Variants in CCDC102A observed in about 807,000 individuals in gnomAD.
CCDC102A encodes the protein coiled-coil domain containing 102A, also known as coiled-coil domain-containing protein 102A.
Under a neutral mutation model 55.5 loss-of-function variants are expected in CCDC102A, and 40 were observed. That is an observed-to-expected ratio of 0.72 (90% CI 0.56 to 0.94). The LOEUF is 0.94. CCDC102A is among the 40% of genes least tolerant of loss of function. The pLI is 0.00. For missense variants in CCDC102A, 779 were observed against 768.6 expected, an observed-to-expected ratio of 1.01 and a Z score of -0.16; for synonymous variants, 323 against 339.0, an observed-to-expected ratio of 0.95 and a Z score of 0.52.
At chr16:57,521,357 G>T (rs1034890183) in intron 3 of CCDC102A, among the ~76,000 whole-genome samples, 181 bp from the exon 4 acceptor site, 2 of 152,176 alleles carry the variant, frequency 1.3e-5, no homozygotes, top group Admixed American at 1.3e-4. Flanking sequence ...AGTTCTCCTG[G>T]AACTGCATTC....
intron 3 of CCDC102A, among the ~76,000 whole-genome samples, chr16:57,522,640 GCTAAGTCT>G (rs2032070683): frequency 6.6e-6 from 1 of 152,258 alleles, no homozygotes; most frequent in Non-Finnish European, 1.5e-5. Flanking sequence ...TCTTTGAGTT[GCTAAGTCT>G]GCACACCTGC....
At chr16:57,524,311 G>C (rs1303790830) in intron 3 of CCDC102A, among the ~76,000 whole-genome samples, 1 of 151,948 alleles carries the variant, frequency 6.6e-6, no homozygotes, top group African/African-American at 2.4e-5. Flanking sequence ...CAGCAGGAGA[G>C]AGGTACTTGT....
intron 8 of CCDC102A, among the ~76,000 whole-genome samples, chr16:57,513,564 AGCGGTCCTGG>A (rs2031902547): frequency 6.6e-6 from 1 of 152,248 alleles, no homozygotes. Context: ...AAAACGACAC[AGCGGTCCTGG>A]GTGGCCCCAC....
At chr16:57,536,285 C>T (rs1345801986) in intron 1 of CCDC102A, among the ~76,000 whole-genome samples, 3 of 152,268 alleles carry the variant, frequency 2.0e-5, no homozygotes, top group Non-Finnish European at 2.9e-5. Flanking sequence ...CCCCTCCCCA[C>T]CGGAGACCTG....
chr16:57,529,681 TC>T lies in CCDC102A; in HGVS notation c.-147-358del, dbSNP rs2032218317. Among the ~76,000 whole-genome samples the T allele has an allele frequency of 1.3e-5, 2 of 152,192 alleles. No homozygotes were observed. The highest frequency in any genetic ancestry group is 4.8e-5 in the African/African-American group (2 of 41,446). On this transcript the variant is annotated intron_variant, in intron 1 of 8. Coordinates refer to ENST00000258214, the MANE Select transcript of CCDC102A (RefSeq NM_033212.4). This position sits in a 1 kb window ranked among gnomAD's most constrained non-coding sequence, Gnocchi z 4.1. Reference sequence around the variant, plus strand: ...TGCCAGGAGTCCCCTCCCTGCCTTTTCCTGCACTGGGCTAACTCTTCTCATA... The same window carrying T: ...TGCCAGGAGTCCCCTCCCTGCCTTTTCTGCACTGGGCTAACTCTTCTCATA...
upstream of CCDC102A, chr16:57,536,699 C>T (rs2032401323): frequency 1.3e-5 from 2 of 152,202 alleles, no homozygotes; most frequent in South Asian, 4.1e-4. Context: ...GACCCCGGCC[C>T]ACCGAGCTGC....
Position 57,528,592 on chromosome 16 carries a change from C to A in CCDC102A, c.585+1G>T. On this transcript the variant is annotated splice_donor_variant, in intron 2 of 8. Coordinates refer to ENST00000258214, the MANE Select transcript of CCDC102A (RefSeq NM_033212.4). LOFTEE classifies it high-confidence loss of function. ...GCGAACGCCCCGCCCGCGCCGCGCA[C>A]CTGGCTGCCTGGCGGCCTCTCGGAC... The A allele has an allele frequency of 7.9e-7, 1 of 1,259,512 alleles. No homozygotes were observed. Among genetic ancestry groups the A allele is most frequent in the South Asian group, 2.0e-5 (1 of 49,384 alleles). The allele number at this position is 1,259,512 out of a possible 1,614,324, so 78.0% of individuals were successfully genotyped here. A position where few individuals can be genotyped will look rare whatever the true frequency, so the allele number is the denominator to read the frequency against.
At chr16:57,536,159 C>A (rs1442618284) in intron 1 of CCDC102A, among the ~76,000 whole-genome samples, 1 of 152,226 alleles carries the variant, frequency 6.6e-6, no homozygotes, top group African/African-American at 2.4e-5. Flanking sequence ...TTCGCCATGG[C>A]GACCACGTTG....
chr16:57,525,842 G>C, intron 3 of CCDC102A, 59 bp downstream of exon 3: 3 of 1,465,060 alleles, frequency 2.0e-6, no homozygotes, highest in Non-Finnish European at 2.8e-6. Context: ...CTGTGATTCT[G>C]AGGGCGTTGT....
chr16:57,533,350 A>C (rs1376811995), intron 1 of CCDC102A, among the ~76,000 whole-genome samples: 1 of 151,796 alleles, frequency 6.6e-6, no homozygotes, highest in African/African-American at 2.4e-5. Flanking sequence ...GCACACCAGG[A>C]ATCCTGCACT....
intron 2 of CCDC102A, among the ~76,000 whole-genome samples, chr16:57,527,173 A>AGG (rs35695140): frequency 6.6e-6 from 1 of 151,992 alleles, no homozygotes; most frequent in Non-Finnish European, 1.5e-5. Flanking sequence ...AGAATAGAGG[A>AGG]GGGGCAGTCT....
chr16:57,520,129 A>G (rs1272638270), intron 4 of CCDC102A, among the ~76,000 whole-genome samples: 3 of 152,142 alleles, frequency 2.0e-5, no homozygotes, highest in East Asian at 1.9e-4. Flanking sequence ...TAGGAACCCA[A>G]TGAATGCCAC....
rs1247681764 is a variant in CCDC102A, at chr16:57,528,827, G to C, written c.351C>G (p.Arg117=). ...KWSKVRAERN[R]AREEVRQLRQ... The stretch of plus-strand genomic sequence containing the variant: ...GCAGCTGGCGCACCTCCTCGCGCGC[G>C]CGGTTGCGCTCAGCGCGCACCTTGC... The change falls in exon 2 of 9, where the codon CGC becomes CGG. Residue 117 remains arginine (R), a synonymous_variant. Coordinates refer to ENST00000258214, the MANE Select transcript of CCDC102A (RefSeq NM_033212.4). 7.8e-7 allele frequency: 1 copy of C among 1,275,126 alleles called. No homozygotes were observed. Among genetic ancestry groups the C allele is most frequent in the East Asian group, 3.5e-5 (1 of 28,190 alleles). 79.0% of individuals were successfully genotyped at this position (1,275,126 alleles called of 1,614,324 possible). A position where few individuals can be genotyped will look rare whatever the true frequency, so the allele number is the denominator to read the frequency against.
intron 8 of CCDC102A, among the ~76,000 whole-genome samples, chr16:57,514,764 G>A (rs539716022): frequency 2.6e-4 from 39 of 152,276 alleles, no homozygotes; most frequent in African/African-American, 8.4e-4. Context: ...CTGTGGCTCC[G>A]ATGCTCCTTG....
intron 3 of CCDC102A, among the ~76,000 whole-genome samples, chr16:57,523,636 G>A (rs1226290278): frequency 1.3e-5 from 2 of 150,498 alleles, no homozygotes; most frequent in Non-Finnish European, 2.9e-5. Flanking sequence ...GCACAGCCCC[G>A]TTCCCAGCTA....
intron 3 of CCDC102A, among the ~76,000 whole-genome samples, chr16:57,523,997 G>A (rs186159702): frequency 7.2e-5 from 11 of 152,306 alleles, no homozygotes; most frequent in African/African-American, 2.6e-4. Context: ...CATCATGCTT[G>A]TAACCTACAG....
rs202155801 is a variant in CCDC102A at position 57,518,110 on chromosome 16, G to A, written c.1206C>T (p.Cys402=). Residue 402 remains cysteine (C), a synonymous_variant, in exon 6 of 9, where the codon TGC becomes TGT. Transcript: ENST00000258214. ...GCGCGGCCTGGCTGGCCCTCAGGTCGCAGTCCAGTGCGCTGGCTGTTTGCC... is the reference window on the plus strand; with the variant it reads ...GCGCGGCCTGGCTGGCCCTCAGGTCACAGTCCAGTGCGCTGGCTGTTTGCC... ...RRRQTASALD[C]DLRASQAALF... 5.6e-6 allele frequency: 9 copies of A among 1,607,392 alleles called. No homozygotes were observed. The highest frequency in any genetic ancestry group is 2.2e-5 in the South Asian group (2 of 91,006).
Position 57,529,599 on chromosome 16 carries a change from T to C in CCDC102A, c.-147-275A>G, listed in dbSNP as rs1184062754. The stretch of plus-strand genomic sequence containing the variant: ...CGGTCCCGGCTCACACACTGATGGC[T>C]TATACTATACTACTATGCAACTTCC... On this transcript the variant is annotated intron_variant, in intron 1 of 8. Coordinates refer to ENST00000258214, the MANE Select transcript of CCDC102A (RefSeq NM_033212.4). This position sits in a 1 kb window ranked among gnomAD's most constrained non-coding sequence, Gnocchi z 4.1. Among the ~76,000 whole-genome samples the C allele has an allele frequency of 2.0e-5, 3 of 152,200 alleles. No individual in the cohort carries two copies. The highest frequency in any genetic ancestry group is 4.4e-5 in the Non-Finnish European group (3 of 68,030).
In CCDC102A at chr16:57,516,539, G is replaced by A. The variant is rs2031959253; in HGVS notation, c.1249-76C>T. On this transcript the variant is annotated intron_variant, in intron 6 of 8. Coordinates refer to ENST00000258214, the MANE Select transcript of CCDC102A (RefSeq NM_033212.4). The surrounding 1 kb of genome is among the most constrained non-coding windows in gnomAD (Gnocchi z 4.4). ...TGGGCGCCATGCCAGGGAGTCCCACGAGGTCAGGCAGTTCTAGGGATGCTG... is the reference window on the plus strand; with the variant it reads ...TGGGCGCCATGCCAGGGAGTCCCACAAGGTCAGGCAGTTCTAGGGATGCTG... 6 of 1,272,068 alleles carry A rather than the reference G, an allele frequency of 4.7e-6. No homozygotes were observed. The highest frequency in any genetic ancestry group is 1.8e-4 in the Middle Eastern group (1 of 5,436). 78.8% of individuals were successfully genotyped at this position (1,272,068 alleles called of 1,614,324 possible).
Sources: gnomAD v4.1 joint callset for allele counts (sites outside exome capture counted in the v4.1 genomes callset) on GRCh38, gnomAD v4.1.1 for gene constraint, Gnocchi (gnomAD v3.1) non-coding constraint, MANE v1.5 for transcripts, NCBI Gene and HGNC (gene_info 2026-07-23, HGNC 2026-07-21) for gene names.